TMEM71: variants seen among roughly 807,000 people sequenced by gnomAD.
The protein encoded by TMEM71 is transmembrane protein 71.
Under a neutral mutation model 38.0 loss-of-function variants are expected in TMEM71, and 44 were observed. That is an observed-to-expected ratio of 1.16 (90% CI 0.91 to 1.49). The LOEUF (loss-of-function observed/expected upper bound fraction) is 1.49. Among genes scored for constraint, TMEM71 ranks in the 40% most tolerant of loss-of-function variants. TMEM71 has a pLI of 0.00. For synonymous variants in TMEM71, 133 were observed against 122.5 expected, an observed-to-expected ratio of 1.09 and a Z score of -0.56; for missense variants, 367 against 348.6, an observed-to-expected ratio of 1.05 and a Z score of -0.42.
chr8:132,749,414 A>G (rs931127341), intron 4 of TMEM71, among the ~76,000 whole-genome samples: 3 of 152,228 alleles, frequency 2.0e-5, no homozygotes, highest in African/African-American at 2.4e-5. Context: ...TGGACACACA[A>G]CTGAACTAGA....
intron 7 of TMEM71, among the ~76,000 whole-genome samples, chr8:132,718,189 A>G (rs1586784715): frequency 6.6e-6 from 1 of 152,202 alleles, no homozygotes; most frequent in Non-Finnish European, 1.5e-5. Flanking sequence ...TTTTGTAAAT[A>G]TACTAAAACC....
chr8:132,775,694 G>C, the TMEM71 span: 1 of 324,062 alleles, frequency 3.1e-6, no homozygotes, highest in Non-Finnish European at 5.6e-6. Context: ...CCCCCGCCGG[G>C]CCGCCCGGGA....
downstream of TMEM71, among the ~76,000 whole-genome samples, chr8:132,708,038 C>T (rs1283136231): frequency 1.3e-5 from 2 of 152,124 alleles, no homozygotes; most frequent in Non-Finnish European, 2.9e-5. Flanking sequence ...TACATGAAAT[C>T]ATATTATGAT....
At chr8:132,767,805 G>A in the TMEM71 span, among the ~76,000 whole-genome samples, 9 of 152,110 alleles carry the variant, frequency 5.9e-5, no homozygotes, top group Non-Finnish European at 1.2e-4. Flanking sequence ...CTAGCAGCTT[G>A]AGCTTATTGG....
chr8:132,763,238 T>C (rs575926928), upstream of TMEM71, among the ~76,000 whole-genome samples: 2 of 152,340 alleles, frequency 1.3e-5, no homozygotes, highest in Admixed American at 1.3e-4. Context: ...TGTCACACAA[T>C]TCATTCCTTG....
At chr8:132,708,957 T>A (rs1826134592), downstream of TMEM71, among the ~76,000 whole-genome samples, 1 of 152,168 alleles carries the variant, frequency 6.6e-6, no homozygotes, top group Non-Finnish European at 1.5e-5. Flanking sequence ...TGTAAGATAA[T>A]AAATTTGCAT....
chr8:132,761,709 G>T (rs987256318), upstream of TMEM71, among the ~76,000 whole-genome samples: 1 of 152,210 alleles, frequency 6.6e-6, no homozygotes, highest in Non-Finnish European at 1.5e-5. Flanking sequence ...TGTAAATAAA[G>T]TAAGGCAAAG....
At chr8:132,766,192 G>A in the TMEM71 span, among the ~76,000 whole-genome samples, 20 of 152,204 alleles carry the variant, frequency 1.3e-4, no homozygotes, top group Admixed American at 8.5e-4. Flanking sequence ...CCTTTCTTGC[G>A]GCAGAGGGAA....
chr8:132,770,790 G>A, the TMEM71 span, among the ~76,000 whole-genome samples: 1 of 152,126 alleles, frequency 6.6e-6, no homozygotes, highest in Admixed American at 6.5e-5. Context: ...TTTCATGTAC[G>A]TATGAATTGT....
At chr8:132,741,017 A>G (rs1448526968) in intron 5 of TMEM71, among the ~76,000 whole-genome samples, 1 of 152,194 alleles carries the variant, frequency 6.6e-6, no homozygotes, top group Non-Finnish European at 1.5e-5. Context: ...AGAATGGGGA[A>G]GCTGGGAATA....
At chr8:132,747,912 T>A (rs959159607) in intron 4 of TMEM71, among the ~76,000 whole-genome samples, 3 of 152,140 alleles carry the variant, frequency 2.0e-5, no homozygotes, top group South Asian at 2.1e-4. Flanking sequence ...AGGGAACAGA[T>A]TAGTGATGAC....
Position 132,710,890 on chromosome 8 carries a change from T to G in TMEM71, c.*77A>C, listed in dbSNP as rs755734360. 7 of 1,384,552 alleles carry G rather than the reference T, an allele frequency of 5.1e-6. No homozygotes were observed. The East Asian group carries it at 1.6e-4, about 32-fold the overall frequency. 85.8% of individuals were successfully genotyped at this position (1,384,552 alleles called of 1,614,324 possible). On this transcript the variant is annotated 3_prime_UTR_variant, in exon 10 of 10. Coordinates refer to ENST00000677595, the MANE Select transcript of TMEM71 (RefSeq NM_001382403.1). ...ACTCCCTTCCAATAAAACACTTGATTCCAAGTAGACTGCAAGTTGGACAAT... is the reference window on the plus strand; with the variant it reads ...ACTCCCTTCCAATAAAACACTTGATGCCAAGTAGACTGCAAGTTGGACAAT...
intron 2 of TMEM71, chr8:132,758,438 G>T: frequency 5.7e-6 from 1 of 174,684 alleles, no homozygotes; most frequent in Non-Finnish European, 1.2e-5. Flanking sequence ...TGGGGTTTTG[G>T]GAGAAAATAA....
At chr8:132,719,928 C>T (rs558106916) in intron 7 of TMEM71, among the ~76,000 whole-genome samples, 7 of 152,252 alleles carry the variant, frequency 4.6e-5, no homozygotes, top group African/African-American at 1.4e-4. Context: ...TTAGTCATTG[C>T]GTCTGCTAGG....
Position 132,727,990 on chromosome 8 carries a change from A to G in TMEM71, c.488-4T>C. On this transcript the variant is annotated splice_polypyrimidine_tract_variant and splice_region_variant and intron_variant, in intron 5 of 9. Transcript: ENST00000677595. ...GAAGAACAGTCTAAATCATCTGCTGAAAAAGCAGAGGGGTTCAGTGTGAGT... is the reference window on the plus strand; with the variant it reads ...GAAGAACAGTCTAAATCATCTGCTGGAAAAGCAGAGGGGTTCAGTGTGAGT... 6.2e-7 allele frequency: 1 copy of G among 1,603,018 alleles called. No homozygotes were observed. Among genetic ancestry groups the G allele is most frequent in the Non-Finnish European group, 8.5e-7 (1 of 1,175,844 alleles).
At chr8:132,763,436 T>C (rs1173483445), upstream of TMEM71, among the ~76,000 whole-genome samples, 1 of 152,218 alleles carries the variant, frequency 6.6e-6, no homozygotes, top group Non-Finnish European at 1.5e-5. Context: ...AGAACCTTTA[T>C]TCTGCATGTT....
chr8:132,770,771 G>A, the TMEM71 span, among the ~76,000 whole-genome samples: 1 of 152,140 alleles, frequency 6.6e-6, no homozygotes, highest in Non-Finnish European at 1.5e-5. Context: ...CACACTGCGG[G>A]TCTGAATATT....
chr8:132,726,021 C>T (rs1827123312), intron 6 of TMEM71, among the ~76,000 whole-genome samples: 1 of 152,158 alleles, frequency 6.6e-6, no homozygotes, highest in African/African-American at 2.4e-5. Flanking sequence ...CATCTCTGTG[C>T]CTATGTGGGC....
At chr8:132,756,333 T>C (rs1009063476) in intron 3 of TMEM71, among the ~76,000 whole-genome samples, 2 of 148,588 alleles carry the variant, frequency 1.3e-5, no homozygotes, top group African/African-American at 5.0e-5. Context: ...AAAGTAACAA[T>C]TCATCAGTAT....
Sources: allele counts gnomAD v4.1 joint callset (sites outside exome capture counted in the v4.1 genomes callset), GRCh38; gene constraint gnomAD v4.1.1; transcripts MANE v1.5; gene names NCBI Gene and HGNC (gene_info 2026-07-23, HGNC 2026-07-21).